The following ELOVL7 variants were observed in gnomAD, a reference collection of about 807,000 sequenced individuals.
The protein encoded by ELOVL7 is ELOVL fatty acid elongase 7.
A neutral mutation model predicts 35.7 loss-of-function variants in ELOVL7; 27 were observed. The ratio of observed to expected loss-of-function variants is 0.76; its 90% CI spans 0.56 to 1.04. ELOVL7 has a LOEUF of 1.04. Ranked by LOEUF, ELOVL7 falls within the 50% of genes least tolerant of loss-of-function variation. ELOVL7 has a pLI of 0.00. For missense variants in ELOVL7, 327 were observed against 340.8 expected (o/e 0.96, Z 0.32); for synonymous variants, 113 against 114.6 (o/e 0.99, Z 0.09).
intron 3 of ELOVL7, among the ~76,000 whole-genome samples, chr5:60,777,927 GAAT>G (rs1448267912): frequency 1.3e-5 from 2 of 152,214 alleles, no homozygotes; most frequent in Admixed American, 1.3e-4. Flanking sequence ...GCTCTCAGCA[GAAT>G]AATTTTAACA....
At chr5:60,757,090 G>A (rs953662990) in intron 8 of ELOVL7, among the ~76,000 whole-genome samples, 6 of 151,990 alleles carry the variant, frequency 3.9e-5, no homozygotes, top group African/African-American at 1.4e-4. Context: ...GAGGGAAGAT[G>A]GACTTATAAA....
chr5:60,822,348 C>T (rs954663067), intron 1 of ELOVL7, among the ~76,000 whole-genome samples: 37 of 152,218 alleles, frequency 2.4e-4, no homozygotes, highest in African/African-American at 8.7e-4. Context: ...GAGTGCTACC[C>T]ACTGAAAACC....
At chr5:60,780,951 C>T (rs879623824) in intron 3 of ELOVL7, among the ~76,000 whole-genome samples, 1 of 152,192 alleles carries the variant, frequency 6.6e-6, no homozygotes, top group Non-Finnish European at 1.5e-5. Context: ...TGGCTCACAC[C>T]TGTAATCCCA....
At chr5:60,791,301 GA>G (rs1246506275) in intron 2 of ELOVL7, among the ~76,000 whole-genome samples, 4 of 152,082 alleles carry the variant, frequency 2.6e-5, no homozygotes, top group Non-Finnish European at 5.9e-5. Flanking sequence ...ATCATTTAGA[GA>G]GAGAAATTGT....
intron 1 of ELOVL7, among the ~76,000 whole-genome samples, chr5:60,809,594 T>C (rs569097936): frequency 3.0e-4 from 45 of 152,272 alleles, no homozygotes; most frequent in Non-Finnish European, 5.3e-4. Flanking sequence ...AAGAAGATAG[T>C]AGAGTGAAGG....
chr5:60,838,437 T>C (rs1201605178), intron 1 of ELOVL7, among the ~76,000 whole-genome samples: 1 of 152,214 alleles, frequency 6.6e-6, no homozygotes, highest in African/African-American at 2.4e-5. Context: ...ATTTTGTAAC[T>C]TACATTTACT....
intron 7 of ELOVL7, among the ~76,000 whole-genome samples, chr5:60,758,971 T>G (rs1398258673): frequency 6.6e-6 from 1 of 152,142 alleles, no homozygotes; most frequent in Non-Finnish European, 1.5e-5. Flanking sequence ...TTACAGAAAG[T>G]TTAAAGGAAA....
intron 3 of ELOVL7, 105 bp downstream of exon 3, chr5:60,787,229 T>C: frequency 1.1e-6 from 1 of 936,720 alleles, no homozygotes; most frequent in Non-Finnish European, 1.6e-6. Context: ...TAAGGGACTG[T>C]TAAGTTGCAA....
At chr5:60,788,112 C>A (rs182782097) in intron 2 of ELOVL7, among the ~76,000 whole-genome samples, 1 of 151,992 alleles carries the variant, frequency 6.6e-6, no homozygotes, top group African/African-American at 2.4e-5. Context: ...CATGGAGAAA[C>A]GAACGTAATA....
chr5:60,761,522 G>A (rs896441157), intron 7 of ELOVL7, among the ~76,000 whole-genome samples: 14 of 152,068 alleles, frequency 9.2e-5, no homozygotes, highest in African/African-American at 1.4e-4. Context: ...TAGGTATCAG[G>A]TCTGCTGAAT....
At chr5:60,758,244 A>G (rs1185144468) in intron 7 of ELOVL7, among the ~76,000 whole-genome samples, 2 of 152,198 alleles carry the variant, frequency 1.3e-5, no homozygotes, top group African/African-American at 4.8e-5. Flanking sequence ...TGGTACATAT[A>G]TTGGTAGTTT....
At chr5:60,771,261 G>A (rs1338301558) in intron 4 of ELOVL7, among the ~76,000 whole-genome samples, 1 of 152,122 alleles carries the variant, frequency 6.6e-6, no homozygotes, top group Non-Finnish European at 1.5e-5. Context: ...AATAGCACAG[G>A]GGAAGAGAGA....
At chr5:60,781,401 A>G (rs1314597184) in intron 3 of ELOVL7, among the ~76,000 whole-genome samples, 1 of 152,114 alleles carries the variant, frequency 6.6e-6, no homozygotes, top group Non-Finnish European at 1.5e-5. Context: ...AAATGTCAGT[A>G]AAAGAATTGC....
At chr5:60,804,792 C>CT (rs1744835607) in intron 1 of ELOVL7, among the ~76,000 whole-genome samples, 1 of 152,204 alleles carries the variant, frequency 6.6e-6, no homozygotes. Flanking sequence ...TTCTTCCCCA[C>CT]TTTTTTGAAA....
In ELOVL7 at chr5:60,822,699, A is replaced by AAC. The variant is rs568329202; in HGVS notation, c.-86+21459_-86+21460dup. On this transcript the variant is annotated intron_variant, in intron 1 of 8. Coordinates refer to ENST00000508821, the MANE Select transcript of ELOVL7 (RefSeq NM_024930.3). ...TGAGAACAATAGTGGTCTAAAGACAAACGCCTGGAGAATACCATCACTTAA... is the reference window on the plus strand; with the variant it reads ...TGAGAACAATAGTGGTCTAAAGACAAACACGCCTGGAGAATACCATCACTTAA... Among the ~76,000 whole-genome samples, 19 of 152,336 alleles carry AAC rather than the reference A, an allele frequency of 1.2e-4. No individual in the cohort carries two copies. In the South Asian group the frequency reaches 3.9e-3, roughly 32 times the overall value.
At chr5:60,761,901 G>A (rs1400896544) in intron 7 of ELOVL7, among the ~76,000 whole-genome samples, 1 of 152,156 alleles carries the variant, frequency 6.6e-6, no homozygotes, top group East Asian at 1.9e-4. Context: ...CGGCATATTC[G>A]ATATTGAAGC....
chr5:60,762,481 T>G (rs947701905), intron 7 of ELOVL7, among the ~76,000 whole-genome samples: 1 of 152,080 alleles, frequency 6.6e-6, no homozygotes, highest in Non-Finnish European at 1.5e-5. Context: ...CTGTCAGATA[T>G]TCAATATTTA....
At chr5:60,838,150 G>A (rs1371206007) in intron 1 of ELOVL7, among the ~76,000 whole-genome samples, 1 of 152,148 alleles carries the variant, frequency 6.6e-6, no homozygotes, top group Admixed American at 6.5e-5. Flanking sequence ...CCTTTATGGG[G>A]TCAAAAAATG....
At chr5:60,764,850 T>C (rs1318937997) in intron 6 of ELOVL7, among the ~76,000 whole-genome samples, 1 of 151,246 alleles carries the variant, frequency 6.6e-6, no homozygotes, top group Non-Finnish European at 1.5e-5. Flanking sequence ...TTGAGAAATA[T>C]GAGGGAAAAG....
Sources: allele counts gnomAD v4.1 joint callset (sites outside exome capture counted in the v4.1 genomes callset), GRCh38; gene constraint gnomAD v4.1.1; transcripts MANE v1.5; gene names NCBI Gene and HGNC (gene_info 2026-07-23, HGNC 2026-07-21).